B4GALNT3: variants seen among roughly 807,000 people sequenced by gnomAD.
B4GALNT3 encodes the protein beta-1,4-N-acetyl-galactosaminyltransferase 3.
A neutral mutation model predicts 120.2 loss-of-function variants in B4GALNT3; 86 were observed. The observed-to-expected ratio is 0.72, with a 90% CI of 0.60 to 0.86. The LOEUF is 0.86. Among genes scored for constraint, B4GALNT3 ranks in the 40% least tolerant of loss-of-function variants. The pLI is 0.00. For missense variants in B4GALNT3, 1,167 were observed against 1,298.9 expected (o/e 0.90, Z 1.56); for synonymous variants, 518 against 510.4 (o/e 1.01, Z -0.20).
chr12:489,524 A>C (rs1303082986), intron 1 of B4GALNT3, among the ~76,000 whole-genome samples: 1 of 152,220 alleles, frequency 6.6e-6, no homozygotes. Flanking sequence ...ATCTAAAAAC[A>C]AAACCCAACT....
At chr12:514,317 C>G (rs1946629049) in intron 1 of B4GALNT3, among the ~76,000 whole-genome samples, 1 of 151,844 alleles carries the variant, frequency 6.6e-6, no homozygotes, top group South Asian at 2.1e-4. Flanking sequence ...CCTGCCTCAG[C>G]CTCCCAAGTA....
At chr12:472,689 G>A (rs1248233874) in intron 1 of B4GALNT3, among the ~76,000 whole-genome samples, 2 of 152,188 alleles carry the variant, frequency 1.3e-5, no homozygotes, top group Non-Finnish European at 1.5e-5. Flanking sequence ...CGCTGGCCTT[G>A]GCCTCGCAAA....
chr12:479,606 G>A (rs188192561), intron 1 of B4GALNT3, among the ~76,000 whole-genome samples: 2 of 152,306 alleles, frequency 1.3e-5, no homozygotes, highest in Admixed American at 1.3e-4. Context: ...GTCAGGTGCA[G>A]ATAAAAAGTC....
chr12:512,070 A>AACCTTCCACCTTCG (rs1307075454), intron 1 of B4GALNT3, among the ~76,000 whole-genome samples: 21 of 49,334 alleles, frequency 4.3e-4, no homozygotes, highest in African/African-American at 1.8e-3. Flanking sequence ...TTCCACCTTC[A>AACCTTCCACCTTCG]ACCTTCCACC....
intron 19 of B4GALNT3, 76 bp downstream of exon 19, chr12:559,497 G>C: frequency 6.3e-7 from 1 of 1,585,154 alleles, no homozygotes; most frequent in South Asian, 1.1e-5. Flanking sequence ...GGCTACAGCA[G>C]CCTAGCTGTC....
At chr12:485,828 G>A (rs1447478248) in intron 1 of B4GALNT3, among the ~76,000 whole-genome samples, 1 of 152,156 alleles carries the variant, frequency 6.6e-6, no homozygotes, top group Non-Finnish European at 1.5e-5. Flanking sequence ...GTAAAGAGCT[G>A]AACAGACTGG....
chr12:465,116 C>A (rs928806572), intron 1 of B4GALNT3, among the ~76,000 whole-genome samples: 1 of 152,174 alleles, frequency 6.6e-6, no homozygotes. Flanking sequence ...TCGTGTGCTC[C>A]TGTGGGCAGG....
intron 3 of B4GALNT3, 135 bp from the exon 4 acceptor site, chr12:544,204 G>A: frequency 1.4e-6 from 1 of 704,206 alleles, no homozygotes; most frequent in Non-Finnish European, 2.4e-6. Flanking sequence ...AGGCTCTGGG[G>A]AGGGCATGGG....
In B4GALNT3 at chr12:540,836, C is replaced by T. The variant is rs564134971; in HGVS notation, c.352-3503C>T. ...TCGGCTCACTGCAACCTCCGCCTTC[C>T]GGGTTCACACCATTCTCCTGCCTCA... is the stretch of plus-strand genomic sequence containing the variant. On this transcript the variant is annotated intron_variant, in intron 3 of 19. Transcript: ENST00000266383. 5.9e-5 allele frequency among the ~76,000 whole-genome samples: 9 copies of T among 152,210 alleles called. No individual in the cohort carries two copies. In the East Asian group the frequency reaches 1.4e-3, roughly 23 times the overall value.
chr12:460,291 G>C lies in B4GALNT3; in HGVS notation c.-86G>C. ...CCTGAGACGCTGGGCCGGGACGCGG[G>C]GCGCCCTGGGCGCGGGGCCCGGCCG... On this transcript the variant is annotated 5_prime_UTR_variant, in exon 1 of 20. Transcript: ENST00000266383. This position sits in a 1 kb window ranked among gnomAD's most constrained non-coding sequence, Gnocchi z 8.0. 1.1e-6 allele frequency: 1 copy of C among 930,602 alleles called. No individual in the cohort carries two copies. The highest frequency in any genetic ancestry group is 1.3e-6 in the Non-Finnish European group (1 of 781,928). 57.6% of individuals were successfully genotyped at this position (930,602 alleles called of 1,614,324 possible). A position where few individuals can be genotyped will look rare whatever the true frequency, so the allele number is the denominator to read the frequency against.
At chr12:517,414 CAT>C (rs1565600411) in intron 1 of B4GALNT3, among the ~76,000 whole-genome samples, 1 of 152,046 alleles carries the variant, frequency 6.6e-6, no homozygotes, top group African/African-American at 2.4e-5. Context: ...GGGAGGTAAA[CAT>C]ATGTTACTTG....
rs144196893 is a variant in B4GALNT3 at position 549,842 on chromosome 12, C to T, written c.927C>T (p.Asn309=). Residue 309 remains asparagine, a synonymous_variant, in exon 10 of 20, where the codon AAC becomes AAT. Transcript: ENST00000266383. ...CAGCCAGCCACGTGGACTCCTCCAA[C>T]GCTCTTCCCAGGGATGAGCAGCCGC... ...QTAASHVDSS[N]ALPRDEQPPA... The T allele has an allele frequency of 6.6e-4, 1,064 of 1,613,820 alleles. 2 individuals are homozygous for T. The highest frequency in any genetic ancestry group is 2.8e-3 in the East Asian group (125 of 44,886).
intron 1 of B4GALNT3, among the ~76,000 whole-genome samples, chr12:473,802 T>A (rs1946159250): frequency 1.3e-5 from 2 of 152,156 alleles, no homozygotes; most frequent in Non-Finnish European, 1.5e-5. Context: ...TCACAGAGCA[T>A]ACATTTCTGG....
intron 1 of B4GALNT3, among the ~76,000 whole-genome samples, chr12:500,269 A>G (rs1946425685): frequency 6.6e-6 from 1 of 152,152 alleles, no homozygotes; most frequent in African/African-American, 2.4e-5. Flanking sequence ...TTGGCCTCCC[A>G]AAGTGTTGAG....
chr12:546,193 AGGGGGTGTGAGAGGAGGGAG>A (rs1200055172), intron 6 of B4GALNT3, among the ~76,000 whole-genome samples: 13 of 80,730 alleles, frequency 1.6e-4, no homozygotes, highest in African/African-American at 5.8e-4. Context: ...AGAAGTGGGC[AGGGGGTGTGAGAGGAGGGAG>A]GGGGGTGTGG....
At chr12:499,477 A>G (rs1396454164) in intron 1 of B4GALNT3, among the ~76,000 whole-genome samples, 1 of 134,340 alleles carries the variant, frequency 7.4e-6, no homozygotes, top group Non-Finnish European at 1.5e-5. Flanking sequence ...CACTATCTAG[A>G]ACACTCCTAG....
chr12:490,290 A>G (rs1358735546), intron 1 of B4GALNT3, among the ~76,000 whole-genome samples: 2 of 152,226 alleles, frequency 1.3e-5, no homozygotes, highest in Admixed American at 6.5e-5. Flanking sequence ...CAGTACAGAA[A>G]GTTAATAAGA....
At position 467,185 on chromosome 12, in the gene B4GALNT3, C is replaced by T. The variant is rs375396007; in HGVS notation, c.169+6640C>T. The stretch of plus-strand genomic sequence containing the variant: ...TGCAGTGGTGTGATCTTAGCTTATG[C>T]AGCCTTGAACTCCTGGGCTCAGTGA... On this transcript the variant is annotated intron_variant, in intron 1 of 19. Coordinates refer to ENST00000266383, the MANE Select transcript of B4GALNT3 (RefSeq NM_173593.4). Among the ~76,000 whole-genome samples the T allele has an allele frequency of 1.7e-4, 26 of 152,226 alleles. No individual in the cohort carries two copies. In the East Asian group the frequency reaches 4.2e-3, roughly 25 times the overall value.
intron 1 of B4GALNT3, among the ~76,000 whole-genome samples, chr12:472,443 C>CTTATTTTATTATT (rs376039074): frequency 6.6e-6 from 1 of 151,892 alleles, no homozygotes; most frequent in African/African-American, 2.4e-5. Context: ...ACCATGCCTG[C>CTTATTTTATTATT]TTATTTTATT....
Sources: gnomAD v4.1 joint callset for allele counts (sites outside exome capture counted in the v4.1 genomes callset) on GRCh38, gnomAD v4.1.1 for gene constraint, Gnocchi (gnomAD v3.1) non-coding constraint, MANE v1.5 for transcripts, NCBI Gene and HGNC (gene_info 2026-07-23, HGNC 2026-07-21) for gene names.